The following RAD51B variants were observed in gnomAD, a reference collection of about 807,000 sequenced individuals.
The protein encoded by RAD51B is DNA repair protein RAD51 homolog 2.
Under a neutral mutation model 42.2 loss-of-function variants are expected in RAD51B, and 38 were observed. The observed-to-expected ratio is 0.90, with a 90% CI of 0.70 to 1.18. The LOEUF is 1.18. Among genes scored for constraint, RAD51B ranks in the 50% most tolerant of loss-of-function variants. The pLI is 0.00. For synonymous variants in RAD51B, 154 were observed against 145.2 expected (o/e 1.06, Z -0.43); for missense variants, 373 against 400.7 (o/e 0.93, Z 0.59).
intron 7 of RAD51B, among the ~76,000 whole-genome samples, chr14:68,106,698 A>G (rs901913842): frequency 6.6e-6 from 1 of 151,856 alleles, no homozygotes; most frequent in Non-Finnish European, 1.5e-5. Flanking sequence ...TATTTATGCT[A>G]AAGTCAATAA....
intron 8 of RAD51B, among the ~76,000 whole-genome samples, chr14:68,325,573 A>AT (rs5809376): frequency 0.01 from 1,445 of 144,462 alleles, 23 homozygotes; most frequent in African/African-American, 0.035. Flanking sequence ...TCACATTCTC[A>AT]TTTTTTTTTT....
chr14:68,586,091 T>C lies in RAD51B; in HGVS notation c.1037-8394T>C, dbSNP rs1158257348. On this transcript the variant is annotated intron_variant, in intron 10 of 10. Transcript: ENST00000487270. ...CCCTTACCCCCATCACCTCCTAGCCTATGGAAGAGAAGATCATTAAAGGCG... is the reference window on the plus strand; with the variant it reads ...CCCTTACCCCCATCACCTCCTAGCCCATGGAAGAGAAGATCATTAAAGGCG... Among the ~76,000 whole-genome samples, 7 of 89,556 alleles carry C rather than the reference T, an allele frequency of 7.8e-5. No homozygotes were observed. In the South Asian group the frequency reaches 2.3e-3, roughly 29 times the overall value. The allele number at this position is 89,556 out of a possible 152,430, so 58.8% of individuals were successfully genotyped here.
intron 7 of RAD51B, among the ~76,000 whole-genome samples, chr14:68,222,740 T>G (rs1418096853): frequency 6.6e-6 from 1 of 152,220 alleles, no homozygotes; most frequent in African/African-American, 2.4e-5. Context: ...AGTAATCTCC[T>G]TGAGACTGGA....
intron 10 of RAD51B, among the ~76,000 whole-genome samples, chr14:68,521,025 G>T (rs1001634949): frequency 1.3e-5 from 2 of 152,178 alleles, no homozygotes; most frequent in Non-Finnish European, 2.9e-5. Context: ...TGAGGTACTT[G>T]AAAGGGAGAT....
chr14:67,985,690 G>A (rs1281795481), intron 7 of RAD51B, among the ~76,000 whole-genome samples: 3 of 151,338 alleles, frequency 2.0e-5, no homozygotes, highest in Non-Finnish European at 2.9e-5. Flanking sequence ...GGGGTAGATC[G>A]CTTGCGTTCC....
At chr14:68,297,673 C>T (rs2081640906) in intron 8 of RAD51B, among the ~76,000 whole-genome samples, 1 of 152,138 alleles carries the variant, frequency 6.6e-6, no homozygotes, top group Admixed American at 6.5e-5. Flanking sequence ...AAGGTGTCAC[C>T]ATGTGACTAC....
intron 7 of RAD51B, among the ~76,000 whole-genome samples, chr14:68,017,747 C>A (rs999973148): frequency 2.0e-5 from 3 of 151,842 alleles, no homozygotes; most frequent in African/African-American, 7.3e-5. Flanking sequence ...CCAAGGCAGG[C>A]AGATCACGAG....
intron 11 of RAD51B, among the ~76,000 whole-genome samples, chr14:68,666,566 C>CCAT (rs1195995445): frequency 6.6e-6 from 1 of 152,122 alleles, no homozygotes; most frequent in East Asian, 1.9e-4. Flanking sequence ...GCAGGAAGTT[C>CCAT]CATCAGCAAG....
chr14:68,422,282 G>A, intron 9 of RAD51B: 1 of 709,650 alleles, frequency 1.4e-6, no homozygotes, highest in East Asian at 2.8e-5. Flanking sequence ...GGTAGAGGAG[G>A]TTGGGTGCGG....
At chr14:68,276,786 G>A (rs1467084236) in intron 7 of RAD51B, among the ~76,000 whole-genome samples, 1 of 152,184 alleles carries the variant, frequency 6.6e-6, no homozygotes, top group Non-Finnish European at 1.5e-5. Context: ...AAAGTCATCT[G>A]TAAGACATAT....
intron 8 of RAD51B, among the ~76,000 whole-genome samples, chr14:68,331,517 A>C (rs987208376): frequency 6.6e-6 from 1 of 151,156 alleles, no homozygotes; most frequent in African/African-American, 2.4e-5. Context: ...GAGTTCTACT[A>C]TGTGGCAAGT....
chr14:67,918,836 A>G (rs1409835720), intron 7 of RAD51B, among the ~76,000 whole-genome samples: 1 of 152,254 alleles, frequency 6.6e-6, no homozygotes, highest in Non-Finnish European at 1.5e-5. Flanking sequence ...TCAATCAATT[A>G]TGAGGATAGC....
At chr14:68,199,051 C>T (rs1350474509) in intron 7 of RAD51B, among the ~76,000 whole-genome samples, 2 of 152,200 alleles carry the variant, frequency 1.3e-5, no homozygotes, top group South Asian at 2.1e-4. Flanking sequence ...CTAATCTGCC[C>T]AATGAATTCT....
intron 10 of RAD51B, among the ~76,000 whole-genome samples, chr14:68,564,222 G>A (rs1454106327): frequency 6.6e-6 from 1 of 152,244 alleles, no homozygotes; most frequent in Non-Finnish European, 1.5e-5. Context: ...GAGAAAGCCT[G>A]AAGAGAGGCT....
chr14:68,391,998 G>A (rs1345748649), intron 8 of RAD51B, among the ~76,000 whole-genome samples: 1 of 152,172 alleles, frequency 6.6e-6, no homozygotes, highest in Non-Finnish European at 1.5e-5. Flanking sequence ...CAAATGAGGA[G>A]TAGCAAAGCA....
chr14:67,839,499 G>T (rs1248044436), intron 4 of RAD51B, among the ~76,000 whole-genome samples: 1 of 151,620 alleles, frequency 6.6e-6, no homozygotes, highest in Non-Finnish European at 1.5e-5. Context: ...CTTAAATCTG[G>T]TTTTACATGT....
intron 7 of RAD51B, among the ~76,000 whole-genome samples, chr14:67,988,477 GAAATAAAT>G (rs888786546): frequency 3.3e-5 from 5 of 151,770 alleles, no homozygotes; most frequent in East Asian, 1.9e-4. Flanking sequence ...AAGAAATAAA[GAAATAAAT>G]AAATAATAAT....
chr14:68,650,576 A>G (rs1892679776), intron 10 of RAD51B, among the ~76,000 whole-genome samples: 1 of 152,196 alleles, frequency 6.6e-6, no homozygotes, highest in Admixed American at 6.5e-5. Context: ...TCAGACCAGA[A>G]CCTGGGGATG....
At chr14:68,274,809 T>C (rs2081188560) in intron 7 of RAD51B, among the ~76,000 whole-genome samples, 2 of 152,244 alleles carry the variant, frequency 1.3e-5, no homozygotes, top group Non-Finnish European at 1.5e-5. Context: ...TTTTAACTTG[T>C]TCTGCTAGAT....
Sources: allele counts gnomAD v4.1 joint callset (sites outside exome capture counted in the v4.1 genomes callset), GRCh38; gene constraint gnomAD v4.1.1; transcripts MANE v1.5; gene names NCBI Gene and HGNC (gene_info 2026-07-23, HGNC 2026-07-21).